C11orf65: variants seen among roughly 807,000 people sequenced by gnomAD.
The protein encoded by C11orf65 is protein MFI.
Under a neutral mutation model 35.3 loss-of-function variants are expected in C11orf65, and 38 were observed. That is an observed-to-expected ratio of 1.08 (90% confidence interval 0.83 to 1.41). The LOEUF (loss-of-function observed/expected upper bound fraction) is 1.41. Ranked by LOEUF, C11orf65 falls within the 40% of genes most tolerant of loss-of-function variation. The pLI is 0.00. For synonymous variants in C11orf65, 105 were observed against 114.4 expected, an observed-to-expected ratio of 0.92 and a Z score of 0.53; for missense variants, 370 against 367.1, an observed-to-expected ratio of 1.01 and a Z score of -0.06.
intron 2 of C11orf65, among the ~76,000 whole-genome samples, chr11:108,432,998 G>T (rs2093011095): frequency 6.6e-6 from 1 of 152,062 alleles, no homozygotes; most frequent in African/African-American, 2.4e-5. Context: ...ACTCATACAT[G>T]TGGCCTTAGT....
At chr11:108,414,434 A>G (rs1277768041) in intron 3 of C11orf65, among the ~76,000 whole-genome samples, 1 of 152,090 alleles carries the variant, frequency 6.6e-6, no homozygotes, top group Non-Finnish European at 1.5e-5. Context: ...ATGAGCACAA[A>G]TAACTCTATG....
intron 3 of C11orf65, among the ~76,000 whole-genome samples, chr11:108,430,983 G>A (rs2092981763): frequency 6.7e-6 from 1 of 149,558 alleles, no homozygotes; most frequent in African/African-American, 2.5e-5. Flanking sequence ...CATCACAAAA[G>A]TATCAGGGAA....
intron 2 of C11orf65, among the ~76,000 whole-genome samples, chr11:108,358,311 A>G (rs1216370204): frequency 5.6e-5 from 8 of 143,640 alleles, no homozygotes; most frequent in East Asian, 2.1e-4. Flanking sequence ...GACCAAATCT[A>G]CGTCTGATTG....
intron 2 of C11orf65, among the ~76,000 whole-genome samples, chr11:108,447,014 C>A (rs1460205958): frequency 2.0e-5 from 3 of 152,142 alleles, no homozygotes. Flanking sequence ...TTTAAACCAA[C>A]AAAGATCAAA....
intron 2 of C11orf65, among the ~76,000 whole-genome samples, chr11:108,371,041 T>A (rs976247587): frequency 1.3e-5 from 2 of 152,172 alleles, no homozygotes; most frequent in African/African-American, 4.8e-5. Flanking sequence ...ATAGACACAT[T>A]GCTGATTTGA....
chr11:108,311,685 G>A (rs1009481134), intron 6 of C11orf65, among the ~76,000 whole-genome samples: 13 of 151,280 alleles, frequency 8.6e-5, no homozygotes, highest in Non-Finnish European at 1.5e-4. Context: ...GCGACAGAGC[G>A]AGACCCTATC....
rs562274074 is a variant in C11orf65, at chr11:108,461,381, C to G, written c.81+98G>C. ...TGCCACTGCACTCCAGCCTAGGCAACAGAGAGAGATTCTGTCTTAAAAAAA... is the reference window on the plus strand; with the variant it reads ...TGCCACTGCACTCCAGCCTAGGCAAGAGAGAGAGATTCTGTCTTAAAAAAA... On this transcript the variant is annotated intron_variant, in intron 2 of 8. Transcript: ENST00000393084. The G allele has an allele frequency of 1.1e-4, 101 of 919,762 alleles. No homozygotes were observed. In the African/African-American group the frequency reaches 1.6e-3, roughly 14 times the overall value. 57.0% of individuals were successfully genotyped at this position (919,762 alleles called of 1,614,324 possible).
intron 2 of C11orf65, among the ~76,000 whole-genome samples, chr11:108,345,516 C>G (rs996577725): frequency 6.6e-6 from 1 of 152,134 alleles, no homozygotes; most frequent in Admixed American, 6.5e-5. Flanking sequence ...AAACAAGTAA[C>G]AGTCACTGTA....
intron 2 of C11orf65, among the ~76,000 whole-genome samples, chr11:108,453,227 T>G (rs1423903254): frequency 7.1e-6 from 1 of 141,434 alleles, no homozygotes; most frequent in African/African-American, 2.6e-5. Flanking sequence ...GAAAACAACT[T>G]ATGGCATCTT....
At chr11:108,424,810 C>G (rs1454401185) in intron 3 of C11orf65, among the ~76,000 whole-genome samples, 7 of 152,234 alleles carry the variant, frequency 4.6e-5, no homozygotes, top group Non-Finnish European at 4.4e-5. Flanking sequence ...ACCAGTCTCT[C>G]AGACCACAGT....
intron 6 of C11orf65, among the ~76,000 whole-genome samples, chr11:108,398,812 T>C (rs1013799532): frequency 2.6e-5 from 4 of 152,232 alleles, no homozygotes; most frequent in African/African-American, 4.8e-5. Context: ...ATGATGACGA[T>C]GGATAACGCA....
intron 2 of C11orf65, among the ~76,000 whole-genome samples, chr11:108,442,254 A>G (rs939681003): frequency 6.6e-6 from 1 of 152,210 alleles, no homozygotes; most frequent in Non-Finnish European, 1.5e-5. Flanking sequence ...AATGAAAGGA[A>G]GCCAGAAGAG....
At chr11:108,420,135 TA>T (rs10711454) in intron 3 of C11orf65, among the ~76,000 whole-genome samples, 151,615 of 152,330 alleles carry the variant, frequency 1, 75,458 homozygotes, top group Middle Eastern at 1. Context: ...ATTTTGTAAT[TA>T]ACCATTTATA....
intron 2 of C11orf65, among the ~76,000 whole-genome samples, chr11:108,370,953 A>T (rs2091556781): frequency 6.6e-6 from 1 of 152,210 alleles, no homozygotes; most frequent in Non-Finnish European, 1.5e-5. Flanking sequence ...TTGAATCCCA[A>T]GAAAAATCAG....
At chr11:108,415,079 G>C (rs1048258403) in intron 3 of C11orf65, among the ~76,000 whole-genome samples, 1 of 152,030 alleles carries the variant, frequency 6.6e-6, no homozygotes, top group African/African-American at 2.4e-5. Flanking sequence ...CATACTTAAT[G>C]GTGAGAAACT....
At chr11:108,332,728 T>C in intron 3 of C11orf65, 1 of 1,601,982 alleles carries the variant, frequency 6.2e-7, no homozygotes, top group Non-Finnish European at 8.5e-7. Flanking sequence ...GTTGGGTAGT[T>C]CCTTATGTAA....
chr11:108,363,434 T>C (rs1219983947), intron 2 of C11orf65, among the ~76,000 whole-genome samples: 1 of 152,172 alleles, frequency 6.6e-6, no homozygotes, highest in Non-Finnish European at 1.5e-5. Context: ...TGTGTTATGC[T>C]AAGGAAATAT....
At chr11:108,329,188 A>G (rs1591151857), downstream of C11orf65, 2 of 1,614,106 alleles carry the variant, frequency 1.2e-6, no homozygotes, top group Non-Finnish European at 1.7e-6. Context: ...TCCTGAAAAG[A>G]GCCAAAGAGG....
rs1389062106 is a variant in C11orf65 at position 108,405,632 on chromosome 11, ACTT to A, written c.430-76_430-74del. 3 of 1,445,204 alleles carry A rather than the reference ACTT, an allele frequency of 2.1e-6. No homozygotes were observed. In the East Asian group the frequency reaches 6.8e-5, roughly 33 times the overall value. The allele number at this position is 1,445,204 out of a possible 1,614,324, so 89.5% of individuals were successfully genotyped here. A position where few individuals can be genotyped will look rare whatever the true frequency, so the allele number is the denominator to read the frequency against. The stretch of plus-strand genomic sequence containing the variant: ...TGAGGTTATCTGGCAATAGACAAGA[ACTT>A]CTATGTGTTCAGTAGGAATATGGCA... On this transcript the variant is annotated intron_variant, in intron 5 of 8. Coordinates refer to ENST00000393084, the MANE Select transcript of C11orf65 (RefSeq NM_152587.5).
Sources: allele counts gnomAD v4.1 joint callset (sites outside exome capture counted in the v4.1 genomes callset), GRCh38; gene constraint gnomAD v4.1.1; transcripts MANE v1.5; gene names NCBI Gene and HGNC (gene_info 2026-07-23, HGNC 2026-07-21).